GRM7: variants seen among roughly 807,000 people sequenced by gnomAD.
The protein encoded by GRM7 is metabotropic glutamate receptor 7.
GRM7 carries 35 observed loss-of-function variants against 84.5 expected under a neutral mutation model. The ratio of observed to expected loss-of-function variants is 0.41; its 90% CI spans 0.32 to 0.55. GRM7 has a LOEUF of 0.55. GRM7 is among the 20% of genes least tolerant of loss of function. The pLI is 0.19. For missense variants in GRM7, 1,003 were observed against 1,194.6 expected, an observed-to-expected ratio of 0.84 and a Z score of 2.36; for synonymous variants, 487 against 455.1, an observed-to-expected ratio of 1.07 and a Z score of -0.89.
chr3:7,613,645 T>C (rs978942586), intron 8 of GRM7, among the ~76,000 whole-genome samples: 1 of 152,122 alleles, frequency 6.6e-6, no homozygotes, highest in African/African-American at 2.4e-5. Flanking sequence ...CCTGAACACA[T>C]ATGACCCCTT....
intron 1 of GRM7, among the ~76,000 whole-genome samples, chr3:7,142,701 G>A (rs1693986984): frequency 6.6e-6 from 1 of 152,162 alleles, no homozygotes; most frequent in Admixed American, 6.6e-5. Context: ...AAGGCAATAA[G>A]AAGGTACAAC....
At chr3:6,931,720 T>C (rs116658010) in intron 1 of GRM7, among the ~76,000 whole-genome samples, 1,784 of 152,300 alleles carry the variant, frequency 0.012, 37 homozygotes, top group African/African-American at 0.04. Context: ...TTTATTTGTG[T>C]ATTTATTACC....
chr3:7,043,848 C>A (rs941255372), intron 1 of GRM7, among the ~76,000 whole-genome samples: 1 of 152,180 alleles, frequency 6.6e-6, no homozygotes, highest in Non-Finnish European at 1.5e-5. Context: ...TCCTACCCAG[C>A]ACCCTGCTCC....
chr3:6,972,537 T>G lies in GRM7; in HGVS notation c.519+110630T>G, dbSNP rs560248738. ...TGCCTTGTGTATCGTCCATTGCTGG[T>G]TTGGATTTTCTAGAGGGTGAAAGCC... On this transcript the variant is annotated intron_variant, in intron 1 of 9. Transcript: ENST00000357716. 2.6e-5 allele frequency among the ~76,000 whole-genome samples: 4 copies of G among 152,272 alleles called. 1 individual carries two copies. In the East Asian group the frequency reaches 7.7e-4, roughly 29 times the overall value.
intron 4 of GRM7, among the ~76,000 whole-genome samples, chr3:7,397,764 A>C (rs1695271839): frequency 6.6e-6 from 1 of 152,156 alleles, no homozygotes; most frequent in Non-Finnish European, 1.5e-5. Context: ...CTAAGTAGAC[A>C]CTTGGCAATG....
intron 1 of GRM7, among the ~76,000 whole-genome samples, chr3:6,914,181 T>G (rs1183016849): frequency 6.6e-6 from 1 of 152,160 alleles, no homozygotes; most frequent in Non-Finnish European, 1.5e-5. Flanking sequence ...CTTTCCAGGA[T>G]CAACATGTCA....
intron 5 of GRM7, among the ~76,000 whole-genome samples, chr3:7,438,844 C>T (rs991126581): frequency 6.6e-6 from 1 of 151,984 alleles, no homozygotes; most frequent in South Asian, 2.1e-4. Context: ...ATATATACAG[C>T]ACAGGAGCTG....
chr3:6,912,752 G>GA (rs1361294675), intron 1 of GRM7, among the ~76,000 whole-genome samples: 8 of 151,886 alleles, frequency 5.3e-5, no homozygotes, highest in African/African-American at 9.7e-5. Flanking sequence ...ATTCTACCTA[G>GA]AAAAAATGCT....
intron 1 of GRM7, among the ~76,000 whole-genome samples, chr3:6,915,721 T>C (rs1024408610): frequency 6.6e-6 from 1 of 152,214 alleles, no homozygotes; most frequent in African/African-American, 2.4e-5. Context: ...TCTAAATTCA[T>C]GGAAATGAAT....
Position 7,341,905 on chromosome 3 carries a change from C to A in GRM7, c.1033+35253C>A, listed in dbSNP as rs1223484937. On this transcript the variant is annotated intron_variant, in intron 4 of 9. Coordinates refer to ENST00000357716, the MANE Select transcript of GRM7 (RefSeq NM_000844.4). ...AGAACCTGGGGTCTAAACCATTAAT[C>A]TATTGCTGCTGTCATTCAGAAGACA... 4.6e-5 allele frequency among the ~76,000 whole-genome samples: 7 copies of A among 152,210 alleles called. No individual in the cohort carries two copies. The East Asian group carries it at 1.4e-3, about 29-fold the overall frequency.
At chr3:7,559,290 A>G (rs960048635) in intron 7 of GRM7, 1 of 152,378 alleles carries the variant, frequency 6.6e-6, no homozygotes, top group African/African-American at 2.4e-5. Flanking sequence ...AAGGGAGGAG[A>G]AACTTTGCTT....
intron 2 of GRM7, among the ~76,000 whole-genome samples, chr3:7,288,816 G>A (rs1476965362): frequency 6.6e-6 from 1 of 152,012 alleles, no homozygotes; most frequent in East Asian, 1.9e-4. Flanking sequence ...ATTCACAAAG[G>A]TCTGATAATA....
Position 7,712,647 on chromosome 3 carries a change from G to A in GRM7, c.2699-27710G>A, listed in dbSNP as rs199684915. Among the ~76,000 whole-genome samples, 427 of 74,298 alleles carry A rather than the reference G, an allele frequency of 5.7e-3. 7 individuals are homozygous for A. Among genetic ancestry groups the A allele is most frequent in the Middle Eastern group, 0.045 (6 of 134 alleles). The allele number at this position is 74,298 out of a possible 152,430, so 48.7% of individuals were successfully genotyped here. A position where few individuals can be genotyped will look rare whatever the true frequency, so the allele number is the denominator to read the frequency against. The stretch of plus-strand genomic sequence containing the variant: ...TTATTTTTTCTTTGTTCTTTTTTTT[G>A]TTTGTTTGTTTTGTTTTGTGGTAAG... On this transcript the variant is annotated intron_variant, in intron 9 of 9. Coordinates refer to ENST00000357716, the MANE Select transcript of GRM7 (RefSeq NM_000844.4).
intron 4 of GRM7, among the ~76,000 whole-genome samples, chr3:7,356,141 G>C (rs780079797): frequency 1.3e-5 from 2 of 152,086 alleles, no homozygotes; most frequent in Non-Finnish European, 2.9e-5. Context: ...TAATGCTTTA[G>C]CTGGATGGTC....
chr3:6,966,613 A>T (rs1377824057), intron 1 of GRM7, among the ~76,000 whole-genome samples: 1 of 152,236 alleles, frequency 6.6e-6, no homozygotes, highest in Non-Finnish European at 1.5e-5. Context: ...AAACTTTAAA[A>T]GATGGAAAGG....
chr3:7,603,952 T>G (rs1696442628), intron 8 of GRM7, among the ~76,000 whole-genome samples: 1 of 152,180 alleles, frequency 6.6e-6, no homozygotes, highest in Non-Finnish European at 1.5e-5. Context: ...AGTTGGCTTT[T>G]GCCTTGGGAT....
At chr3:7,490,147 G>A in intron 7 of GRM7, among the ~76,000 whole-genome samples, 1 of 152,044 alleles carries the variant, frequency 6.6e-6, no homozygotes, top group Middle Eastern at 3.2e-3. Context: ...TTGGAATTTA[G>A]TATACAAAAG....
At chr3:7,152,764 A>G (rs1694323902) in intron 2 of GRM7, among the ~76,000 whole-genome samples, 1 of 152,148 alleles carries the variant, frequency 6.6e-6, no homozygotes, top group Non-Finnish European at 1.5e-5. Flanking sequence ...TCTTACATCT[A>G]TTTCCATTGA....
intron 2 of GRM7, among the ~76,000 whole-genome samples, chr3:7,187,998 A>T (rs1695577749): frequency 6.6e-6 from 1 of 152,164 alleles, no homozygotes; most frequent in South Asian, 2.1e-4. Flanking sequence ...AATGTGATTT[A>T]AAAATTCCTT....
Sources: allele counts gnomAD v4.1 joint callset (sites outside exome capture counted in the v4.1 genomes callset), GRCh38; gene constraint gnomAD v4.1.1; transcripts MANE v1.5; gene names NCBI Gene and HGNC (gene_info 2026-07-23, HGNC 2026-07-21).